Variants in ZSWIM9 observed in about 807,000 individuals in gnomAD.
The protein encoded by ZSWIM9 is uncharacterized protein ZSWIM9.
In ZSWIM9, 11 loss-of-function variants were observed where a neutral mutation model predicts 25.0. That is an observed-to-expected ratio of 0.44 (90% CI 0.28 to 0.73). The LOEUF (loss-of-function observed/expected upper bound fraction) is 0.73, where lower values mean the gene tolerates loss of function less well. ZSWIM9 is among the 30% of genes least tolerant of loss of function. The pLI is 0.16. For missense variants in ZSWIM9, 1,070 were observed against 1,296.5 expected (o/e 0.83, Z 2.68); for synonymous variants, 562 against 582.1 (o/e 0.97, Z 0.50).
intron 3 of ZSWIM9, among the ~76,000 whole-genome samples, chr19:48,186,285 C>T (rs929387307): frequency 3.9e-5 from 5 of 127,428 alleles, no homozygotes; most frequent in Non-Finnish European, 6.8e-5. Flanking sequence ...CTAGTGTACA[C>T]GCTGTTTTTG....
At chr19:48,187,810 A>G (rs922421424) in intron 3 of ZSWIM9, 3 of 149,854 alleles carry the variant, frequency 2.0e-5, no homozygotes, top group Admixed American at 1.4e-4. Context: ...GCATGGTGGC[A>G]TGCATCTGTA....
At chr19:48,183,808 T>G (rs2036981058) in intron 3 of ZSWIM9, among the ~76,000 whole-genome samples, 1 of 150,290 alleles carries the variant, frequency 6.7e-6, no homozygotes, top group Admixed American at 6.6e-5. Flanking sequence ...AGCTAATTTT[T>G]TAGTTTTTGT....
At position 48,195,436 on chromosome 19, in the gene ZSWIM9, C is replaced by T; in HGVS notation, c.1372C>T (p.Pro458Ser). The T allele has an allele frequency of 4.9e-6, 7 of 1,440,508 alleles. No homozygotes were observed. The highest frequency in any genetic ancestry group is 6.3e-6 in the Non-Finnish European group (7 of 1,105,540). 89.2% of individuals were successfully genotyped at this position (1,440,508 alleles called of 1,614,324 possible). A position where few individuals can be genotyped will look rare whatever the true frequency, so the allele number is the denominator to read the frequency against. ...CGGGGGGCCTTGGCTGGAGGATGAG[C>T]CAGGGAGGGGAGCCCAGGGGGAGAA... ...DGGGPWLEDEPGRGAQGENER... is the reference protein window; with the variant it reads ...DGGGPWLEDESGRGAQGENER... Residue 458 changes from proline (P) to serine (S), a missense_variant, in exon 4 of 4, where the codon CCA (proline) becomes TCA (serine). Physicochemically the swap from Pro to Ser is moderately conservative, Grantham distance 74 (BLOSUM62 -1). This residue lies in a region of ZSWIM9 where 583 missense variants were observed against 624.7 expected (regional missense o/e 0.93). Coordinates refer to ENST00000614654, the MANE Select transcript of ZSWIM9 (RefSeq NM_199341.4). This position sits in a 1 kb window ranked among gnomAD's most constrained non-coding sequence, Gnocchi z 5.8.
rs554478479 is a variant in ZSWIM9, at chr19:48,195,947, G to T, written c.1883G>T (p.Arg628Met). Residue 628 changes from arginine (R) to methionine (M), a missense_variant, in exon 4 of 4, where the codon AGG becomes ATG. Physicochemically the swap from Arg to Met is moderately conservative, Grantham distance 91. Coordinates refer to ENST00000614654, the MANE Select transcript of ZSWIM9 (RefSeq NM_199341.4). This position sits in a 1 kb window ranked among gnomAD's most constrained non-coding sequence, Gnocchi z 5.8. ...RVRSLEGSPWRGAQLHDERAG... is the reference protein window; with the variant it reads ...RVRSLEGSPWMGAQLHDERAG... Reference sequence around the variant, plus strand: ...AGGAGTCTTGAAGGAAGCCCCTGGAGGGGGGCGCAGCTGCACGATGAAAGG... The same window carrying T: ...AGGAGTCTTGAAGGAAGCCCCTGGATGGGGGCGCAGCTGCACGATGAAAGG... 7 of 1,332,064 alleles carry T rather than the reference G, an allele frequency of 5.3e-6. No homozygotes were observed. The South Asian group carries it at 1.3e-4, about 24-fold the overall frequency. 82.5% of individuals were successfully genotyped at this position (1,332,064 alleles called of 1,614,324 possible). A position where few individuals can be genotyped will look rare whatever the true frequency, so the allele number is the denominator to read the frequency against.
Position 48,194,648 on chromosome 19 carries a change from C to T in ZSWIM9, c.589-5C>T, listed in dbSNP as rs2037135050. ...CTTTCCTTGCCTCCCTGCCCCCGCC[C>T]GCAGGTGAAGCTGGTGTTCGTGGAG... is the stretch of plus-strand genomic sequence containing the variant. On this transcript the variant is annotated splice_region_variant and splice_polypyrimidine_tract_variant and intron_variant, in intron 3 of 3. Transcript: ENST00000614654. The surrounding 1 kb of genome is among the most constrained non-coding windows in gnomAD (Gnocchi z 6.0). The T allele has an allele frequency of 2.1e-6, 3 of 1,433,222 alleles. No homozygotes were observed. The highest frequency in any genetic ancestry group is 1.8e-6 in the Non-Finnish European group (2 of 1,089,584). The allele number at this position is 1,433,222 out of a possible 1,614,324, so 88.8% of individuals were successfully genotyped here. A position where few individuals can be genotyped will look rare whatever the true frequency, so the allele number is the denominator to read the frequency against.
chr19:48,187,434 TTA>T (rs1307488308), intron 3 of ZSWIM9, among the ~76,000 whole-genome samples: 149 of 100,354 alleles, frequency 1.5e-3, no homozygotes, highest in African/African-American at 5.0e-3. Context: ...TTATATTATA[TTA>T]TATATATTAT....
rs1374608005 is a variant in ZSWIM9, at chr19:48,196,805, G to C, written c.2741G>C (p.Trp914Ser). Residue 914 changes from tryptophan to serine, a missense_variant, in exon 4 of 4, where the codon TGG becomes TCG. By Grantham distance (177) the Trp-to-Ser change is radical. Coordinates refer to ENST00000614654, the MANE Select transcript of ZSWIM9 (RefSeq NM_199341.4). The part of the protein sequence containing the change: ...LFHMDLLRDC[W>S]GRAPEP ...CACATGGACCTGCTCAGGGATTGCTGGGGGAGAGCCCCAGAGCCCTGACCC... is the reference window on the plus strand; with the variant it reads ...CACATGGACCTGCTCAGGGATTGCTCGGGGAGAGCCCCAGAGCCCTGACCC... 16 of 1,236,256 alleles carry C rather than the reference G, an allele frequency of 1.3e-5. No individual in the cohort carries two copies. Among genetic ancestry groups the C allele is most frequent in the Non-Finnish European group, 1.6e-5 (16 of 990,670 alleles). The allele number at this position is 1,236,256 out of a possible 1,614,324, so 76.6% of individuals were successfully genotyped here. A position where few individuals can be genotyped will look rare whatever the true frequency, so the allele number is the denominator to read the frequency against.
intron 2 of ZSWIM9, among the ~76,000 whole-genome samples, chr19:48,175,467 G>T (rs1285764812): frequency 6.6e-6 from 1 of 152,160 alleles, no homozygotes. Flanking sequence ...GGAGAAGTTA[G>T]TGTGTAAGGA....
chr19:48,182,184 G>A lies in ZSWIM9; in HGVS notation c.276-271G>A, dbSNP rs2036954370. On this transcript the variant is annotated intron_variant, in intron 2 of 3. Coordinates refer to ENST00000614654, the MANE Select transcript of ZSWIM9 (RefSeq NM_199341.4). This position sits in a 1 kb window ranked among gnomAD's most constrained non-coding sequence, Gnocchi z 4.6. ...TTGCCATATTCCAGACACTGTGTAG[G>A]TGCTTTACCTATATTAACTCTTTTC... 1 of 501,522 alleles carries A rather than the reference G, an allele frequency of 2.0e-6. No homozygotes were observed. The highest frequency in any genetic ancestry group is 3.7e-5 in the Admixed American group (1 of 26,918). The allele number at this position is 501,522 out of a possible 1,614,324, so 31.1% of individuals were successfully genotyped here.
intron 3 of ZSWIM9, among the ~76,000 whole-genome samples, chr19:48,192,469 A>AGT (rs1568582355): frequency 2.5e-4 from 6 of 23,924 alleles, no homozygotes; most frequent in Admixed American, 6.6e-4. Flanking sequence ...AAAAAAAAAA[A>AGT]AAAAAAAAAA....
In ZSWIM9 at chr19:48,195,554, C is replaced by T; in HGVS notation, c.1490C>T (p.Ala497Val). ...WRGAQMEKEW[A>V]RALETRDWGG... ...GGAGCCCAGATGGAGAAGGAGTGGG[C>T]AAGGGCACTGGAAACCAGAGACTGG... The change falls in exon 4 of 4, where the codon GCA becomes GTA. Residue 497 changes from alanine to valine, a missense_variant. Around this residue, in one of 4 missense-constraint regions of ZSWIM9, gnomAD observed 583 missense variants for 624.7 expected, o/e 0.93. Coordinates refer to ENST00000614654, the MANE Select transcript of ZSWIM9 (RefSeq NM_199341.4). The surrounding 1 kb of genome is among the most constrained non-coding windows in gnomAD (Gnocchi z 5.8). The T allele has an allele frequency of 7.1e-7, 1 of 1,414,736 alleles. No individual in the cohort carries two copies. The highest frequency in any genetic ancestry group is 9.2e-7 in the Non-Finnish European group (1 of 1,090,470). 87.6% of individuals were successfully genotyped at this position (1,414,736 alleles called of 1,614,324 possible).
intron 3 of ZSWIM9, chr19:48,189,705 G>A (rs2037072321): frequency 1.9e-5 from 3 of 154,216 alleles, no homozygotes; most frequent in African/African-American, 7.2e-5. Flanking sequence ...GAGCAAATAA[G>A]AATTATAGGT....
intron 2 of ZSWIM9, among the ~76,000 whole-genome samples, chr19:48,173,632 C>CTTTATTTTAT (rs757465058): frequency 6.6e-6 from 1 of 151,814 alleles, no homozygotes; most frequent in African/African-American, 2.4e-5. Context: ...TTTTATTTTA[C>CTTTATTTTAT]TTTATTTTAT....
At position 48,196,855 on chromosome 19, in the gene ZSWIM9, CA is replaced by C; in HGVS notation, c.*29del. 8.0e-7 allele frequency: 1 copy of C among 1,247,716 alleles called. No homozygotes were observed. The highest frequency in any genetic ancestry group is 1.0e-6 in the Non-Finnish European group (1 of 997,592). The allele number at this position is 1,247,716 out of a possible 1,614,324, so 77.3% of individuals were successfully genotyped here. On this transcript the variant is annotated 3_prime_UTR_variant, in exon 4 of 4. Coordinates refer to ENST00000614654, the MANE Select transcript of ZSWIM9 (RefSeq NM_199341.4). Reference sequence around the variant, plus strand: ...CTTCATGCCTCTGCCCACCACCCTCCACCAGGAGGGTCGGAGGGCATTCTTC... The same window carrying C: ...CTTCATGCCTCTGCCCACCACCCTCCCCAGGAGGGTCGGAGGGCATTCTTC...
At chr19:48,187,061 AGGACTTTGCTACC>A (rs1376038900) in intron 3 of ZSWIM9, among the ~76,000 whole-genome samples, 1 of 151,904 alleles carries the variant, frequency 6.6e-6, no homozygotes, top group Non-Finnish European at 1.5e-5. Flanking sequence ...GCTCCTTTTG[AGGACTTTGCTACC>A]GGTTCTCAGC....
chr19:48,191,769 G>A (rs1309263294), intron 3 of ZSWIM9: 1 of 152,412 alleles, frequency 6.6e-6, no homozygotes, highest in Non-Finnish European at 1.5e-5. Context: ...TCCTCCGTGG[G>A]TTTCTCCATC....
In ZSWIM9 at chr19:48,195,204, C is replaced by A. The variant is rs1166999979; in HGVS notation, c.1140C>A (p.Asn380Lys). The A allele has an allele frequency of 1.8e-5, 27 of 1,526,570 alleles. No individual in the cohort carries two copies. Among genetic ancestry groups the A allele is most frequent in the Non-Finnish European group, 2.4e-5 (27 of 1,141,550 alleles). The allele number at this position is 1,526,570 out of a possible 1,614,324, so 94.6% of individuals were successfully genotyped here. The stretch of plus-strand genomic sequence containing the variant: ...CCTTCGTGGACTACTTCGAGCGCAA[C>A]TGGGAGCCCCGCCGCGACATGTGGG... ...PAAFVDYFER[N>K]WEPRRDMWVR... Residue 380 changes from asparagine to lysine, a missense_variant, in exon 4 of 4, where the codon AAC (asparagine) becomes AAA (lysine). Transcript: ENST00000614654. The surrounding 1 kb of genome is among the most constrained non-coding windows in gnomAD (Gnocchi z 5.8).
chr19:48,184,978 T>C lies in ZSWIM9; in HGVS notation c.588+2211T>C, dbSNP rs188164775. 1.9e-3 allele frequency among the ~76,000 whole-genome samples: 293 copies of C among 152,290 alleles called. 3 individuals carry two copies. Among genetic ancestry groups the C allele is most frequent in the African/African-American group, 6.5e-3 (271 of 41,568 alleles). ...TAAATAAGCCTCAGCTGTTCTTCCC[T>C]GAACCCACCCTCTGCAGGATTGTCC... is the stretch of plus-strand genomic sequence containing the variant. On this transcript the variant is annotated intron_variant, in intron 3 of 3. Transcript: ENST00000614654.
intron 3 of ZSWIM9, among the ~76,000 whole-genome samples, chr19:48,187,386 ATTAATATATTATAT>A (rs2037025767): frequency 1.8e-5 from 1 of 54,288 alleles, no homozygotes; most frequent in African/African-American, 6.3e-5. Flanking sequence ...TAATGTAATA[ATTAATATATTATAT>A]TAATTATATA....
Sources: allele counts gnomAD v4.1 joint callset (sites outside exome capture counted in the v4.1 genomes callset), GRCh38; gene constraint gnomAD v4.1.1; regional missense constraint gnomAD v4.1.1; non-coding constraint Gnocchi (gnomAD v3.1); transcripts MANE v1.5; gene names NCBI Gene and HGNC (gene_info 2026-07-23, HGNC 2026-07-21).